SLC30A6: variants seen among roughly 807,000 people sequenced by gnomAD.
SLC30A6 encodes the protein solute carrier family 30 member 6.
SLC30A6 carries 55 observed loss-of-function variants against 63.0 expected under a neutral mutation model. The ratio of observed to expected loss-of-function variants is 0.87; its 90% CI spans 0.70 to 1.09. The LOEUF (loss-of-function observed/expected upper bound fraction) is 1.09, where lower values mean the gene tolerates loss of function less well. SLC30A6 is among the 50% of genes least tolerant of loss of function. SLC30A6 has a pLI of 0.00. For missense variants in SLC30A6, 587 were observed against 549.2 expected (o/e 1.07, Z -0.69); for synonymous variants, 224 against 186.1 (o/e 1.20, Z -1.66).
chr2:32,169,323 T>C (rs62142121), intron 1 of SLC30A6, among the ~76,000 whole-genome samples: 2,807 of 152,174 alleles, frequency 0.018, 29 homozygotes, highest in Middle Eastern at 0.034. Flanking sequence ...CATGTACCAC[T>C]ATGCCTGGCT....
Position 32,197,740 on chromosome 2 carries a change from C to T in SLC30A6, c.579C>T (p.Ile193=), listed in dbSNP as rs780041165. ...GAATTATTCCGGGACTTAGCAGTATCTTCCTTCCCCGAATGAATCCATTTG... is the reference window on the plus strand; with the variant it reads ...GAATTATTCCGGGACTTAGCAGTATTTTCCTTCCCCGAATGAATCCATTTG... ...LCGIIPGLSS[I]FLPRMNPFVL... Residue 193 remains isoleucine, a synonymous_variant, in exon 10 of 14, where the codon ATC becomes ATT. Transcript: ENST00000282587. 16 of 1,613,998 alleles carry T rather than the reference C, an allele frequency of 9.9e-6. No homozygotes were observed. Among genetic ancestry groups the T allele is most frequent in the East Asian group, 8.9e-5 (4 of 44,886 alleles).
intron 5 of SLC30A6, among the ~76,000 whole-genome samples, chr2:32,186,357 A>G (rs1298866513): frequency 6.6e-6 from 1 of 152,204 alleles, no homozygotes; most frequent in Non-Finnish European, 1.5e-5. Flanking sequence ...ATATATCCAT[A>G]TAAGGAAATC....
intron 5 of SLC30A6, among the ~76,000 whole-genome samples, chr2:32,190,996 C>T (rs1290024503): frequency 1.3e-5 from 2 of 151,492 alleles, no homozygotes; most frequent in African/African-American, 4.9e-5. Context: ...TCTAGATTCT[C>T]TTTTCTGTAC....
intron 10 of SLC30A6, chr2:32,202,401 C>A: frequency 3.7e-6 from 1 of 267,176 alleles, no homozygotes; most frequent in Non-Finnish European, 7.2e-6. Flanking sequence ...TGGATCTCGG[C>A]TCACTGCAAG....
At chr2:32,185,445 G>C (rs572316745) in intron 5 of SLC30A6, among the ~76,000 whole-genome samples, 87 of 151,700 alleles carry the variant, frequency 5.7e-4, no homozygotes, top group African/African-American at 1.8e-3. Flanking sequence ...GTTCCTTTTA[G>C]ATGCTAGGAA....
chr2:32,208,900 T>G (rs1160394779), intron 12 of SLC30A6, among the ~76,000 whole-genome samples: 1 of 152,228 alleles, frequency 6.6e-6, no homozygotes, highest in Non-Finnish European at 1.5e-5. Flanking sequence ...TGAAACTATT[T>G]TAAACCTTTG....
At chr2:32,189,281 C>CTTTTTTTTTTT (rs61221362) in intron 5 of SLC30A6, among the ~76,000 whole-genome samples, 1 of 114,872 alleles carries the variant, frequency 8.7e-6, no homozygotes, top group Non-Finnish European at 1.7e-5. Flanking sequence ...TTGATACTGT[C>CTTTTTTTTTTT]TTTTTTTTTT....
intron 5 of SLC30A6, among the ~76,000 whole-genome samples, chr2:32,190,769 C>A (rs999264702): frequency 1.3e-5 from 2 of 152,102 alleles, no homozygotes; most frequent in African/African-American, 2.4e-5. Context: ...GGATTACAGG[C>A]CCGCACCACC....
At chr2:32,182,141 C>G (rs1221408964) in intron 4 of SLC30A6, among the ~76,000 whole-genome samples, 1 of 151,758 alleles carries the variant, frequency 6.6e-6, no homozygotes, top group Non-Finnish European at 1.5e-5. Context: ...CGACATGTTG[C>G]CTAGGCTGGT....
chr2:32,201,812 A>T (rs1459537680), intron 10 of SLC30A6: 3 of 1,399,070 alleles, frequency 2.1e-6, no homozygotes, highest in Non-Finnish European at 2.0e-6. Flanking sequence ...GACAGAAGGA[A>T]GTCAAGCCAC....
Position 32,220,261 on chromosome 2 carries a change from G to A in SLC30A6, c.934G>A (p.Val312Ile). 1 of 1,614,156 alleles carries A rather than the reference G, an allele frequency of 6.2e-7. No homozygotes were observed. Among genetic ancestry groups the A allele is most frequent in the South Asian group, 1.1e-5 (1 of 91,086 alleles). The change falls in exon 14 of 14, where the codon GTT (valine) becomes ATT (isoleucine). Residue 312 changes from valine (V) to isoleucine (I), a missense_variant. Physicochemically the swap from Val to Ile is conservative, Grantham distance 29 (BLOSUM62 3). Coordinates refer to ENST00000282587, the MANE Select transcript of SLC30A6 (RefSeq NM_017964.5). ...TCGACGAGATGCCAATGAACAAATG[G>A]TTCTTGCTCATGTGACCAACAGGCT... Reference protein sequence around the residue: ...RIRRDANEQMVLAHVTNRLYT... With the variant: ...RIRRDANEQMILAHVTNRLYT...
At chr2:32,187,947 G>A (rs906918432) in intron 5 of SLC30A6, among the ~76,000 whole-genome samples, 2 of 152,110 alleles carry the variant, frequency 1.3e-5, no homozygotes, top group Non-Finnish European at 2.9e-5. Context: ...TACAGCCAGT[G>A]TTTTTCTTTT....
chr2:32,206,531 G>A (rs1279592256), intron 11 of SLC30A6, among the ~76,000 whole-genome samples: 1 of 152,024 alleles, frequency 6.6e-6, no homozygotes, highest in Non-Finnish European at 1.5e-5. Flanking sequence ...CAAGACTTAG[G>A]GCAGTAGTTC....
At chr2:32,209,670 G>A in intron 13 of SLC30A6, 109 bp downstream of exon 13, 1 of 862,162 alleles carries the variant, frequency 1.2e-6, no homozygotes, top group Non-Finnish European at 1.8e-6. Flanking sequence ...TTGATTCCTA[G>A]TTATGTTAAG....
In SLC30A6 at chr2:32,223,327, A is replaced by G. The variant is rs953311614; in HGVS notation, c.*2614A>G. 5.3e-5 allele frequency: 8 copies of G among 152,106 alleles called. No homozygotes were observed. The highest frequency in any genetic ancestry group is 1.9e-4 in the African/African-American group (8 of 41,374). The allele number at this position is 152,106 out of a possible 1,614,324, so 9.4% of individuals were successfully genotyped here. The stretch of plus-strand genomic sequence containing the variant: ...ATGTAAGCTTTGTGGAATGTAATTA[A>G]CCCTGCTTTACGAAGTCACCATATT... On this transcript the variant is annotated 3_prime_UTR_variant, in exon 14 of 14. Coordinates refer to ENST00000282587, the MANE Select transcript of SLC30A6 (RefSeq NM_017964.5).
At chr2:32,184,794 A>C (rs1682659651) in intron 5 of SLC30A6, among the ~76,000 whole-genome samples, 1 of 152,142 alleles carries the variant, frequency 6.6e-6, no homozygotes, top group Admixed American at 6.6e-5. Flanking sequence ...TCTTCCAAGA[A>C]ACATAAATAT....
At position 32,194,633 on chromosome 2, in the gene SLC30A6, C is replaced by T. The variant is rs150000284; in HGVS notation, c.496+650C>T. 4.3e-4 allele frequency among the ~76,000 whole-genome samples: 66 copies of T among 152,060 alleles called. No individual in the cohort carries two copies. The South Asian group carries it at 5.2e-3, about 12-fold the overall frequency. ...ATAGAAGTGGGATGTGTGCACAGAC[C>T]CACACTTTGAAGTATAGAGAAGCAC... On this transcript the variant is annotated intron_variant, in intron 8 of 13. Coordinates refer to ENST00000282587, the MANE Select transcript of SLC30A6 (RefSeq NM_017964.5).
intron 5 of SLC30A6, among the ~76,000 whole-genome samples, chr2:32,190,228 G>A (rs1683206667): frequency 6.6e-6 from 1 of 152,078 alleles, no homozygotes; most frequent in South Asian, 2.1e-4. Flanking sequence ...GGAGGGTGAG[G>A]TGGGCAGATC....
chr2:32,191,632 G>C (rs903953864), intron 5 of SLC30A6, among the ~76,000 whole-genome samples: 1 of 152,140 alleles, frequency 6.6e-6, no homozygotes, highest in African/African-American at 2.4e-5. Flanking sequence ...CTGAATTCTA[G>C]TGTCAGAGTG....
Sources: gnomAD v4.1 joint callset for allele counts (sites outside exome capture counted in the v4.1 genomes callset) on GRCh38, gnomAD v4.1.1 for gene constraint, MANE v1.5 for transcripts, NCBI Gene and HGNC (gene_info 2026-07-23, HGNC 2026-07-21) for gene names.